The following ANKS1B variants were observed in gnomAD, a reference collection of about 807,000 sequenced individuals.
ANKS1B encodes the protein ankyrin repeat and sterile alpha motif domain containing 1B.
A neutral mutation model predicts 148.3 loss-of-function variants in ANKS1B; 36 were observed. The ratio of observed to expected loss-of-function variants is 0.24; its 90% confidence interval spans 0.19 to 0.32. The LOEUF is 0.32. Among genes scored for constraint, ANKS1B ranks in the 10% least tolerant of loss-of-function variants. The pLI is 1.00. For synonymous variants in ANKS1B, 542 were observed against 560.8 expected (o/e 0.97, Z 0.47); for missense variants, 1,157 against 1,542.6 (o/e 0.75, Z 4.19).
chr12:99,261,835 C>G lies in ANKS1B; in HGVS notation c.1757-14971G>C, dbSNP rs113823506. On this transcript the variant is annotated intron_variant, in intron 12 of 26. Transcript: ENST00000683438. ...CTCTGCTCAAAACTCTTCAATGGCA[C>G]CTTGATCCACTCTGAGTAAAAGCCA... is the stretch of plus-strand genomic sequence containing the variant. Among the ~76,000 whole-genome samples, 585 of 152,192 alleles carry G rather than the reference C, an allele frequency of 3.8e-3. 2 individuals carry two copies. The highest frequency in any genetic ancestry group is 0.013 in the African/African-American group (551 of 41,522).
At chr12:98,856,689 T>C (rs1595615307) in intron 17 of ANKS1B, among the ~76,000 whole-genome samples, 1 of 152,070 alleles carries the variant, frequency 6.6e-6, no homozygotes, top group Non-Finnish European at 1.5e-5. Context: ...GATGAGGATA[T>C]GGGGGACAGC....
intron 8 of ANKS1B, among the ~76,000 whole-genome samples, chr12:99,656,385 C>G (rs1598968490): frequency 6.6e-6 from 1 of 152,054 alleles, no homozygotes; most frequent in Non-Finnish European, 1.5e-5. Context: ...CAACAAGTTC[C>G]ACTCACAAGA....
chr12:99,232,677 T>C (rs1383837755), intron 14 of ANKS1B, among the ~76,000 whole-genome samples: 2 of 152,174 alleles, frequency 1.3e-5, no homozygotes, highest in Non-Finnish European at 2.9e-5. Flanking sequence ...TTTCTTATGA[T>C]TGCAATGACA....
chr12:99,885,024 T>C (rs557287412), intron 1 of ANKS1B, among the ~76,000 whole-genome samples: 2 of 152,180 alleles, frequency 1.3e-5, no homozygotes, highest in South Asian at 2.1e-4. Context: ...GAGCTTTGGT[T>C]CCCCCAATTT....
At chr12:98,777,927 C>T (rs1323269517) in intron 24 of ANKS1B, among the ~76,000 whole-genome samples, 2 of 152,192 alleles carry the variant, frequency 1.3e-5, no homozygotes, top group Non-Finnish European at 2.9e-5. Context: ...GTTTGCACTT[C>T]AAACTAATTT....
chr12:99,531,741 ATGGT>A, intron 9 of ANKS1B, among the ~76,000 whole-genome samples: 1 of 152,216 alleles, frequency 6.6e-6, no homozygotes, highest in African/African-American at 2.4e-5. Context: ...TGTTCAATAG[ATGGT>A]AGATGTGCTT....
At chr12:99,387,286 T>C (rs2093901065) in intron 12 of ANKS1B, among the ~76,000 whole-genome samples, 1 of 152,206 alleles carries the variant, frequency 6.6e-6, no homozygotes, top group African/African-American at 2.4e-5. Flanking sequence ...GATTAGGTCA[T>C]GAGGACAGAG....
At chr12:98,929,144 C>T (rs976220075) in intron 17 of ANKS1B, among the ~76,000 whole-genome samples, 1 of 151,434 alleles carries the variant, frequency 6.6e-6, no homozygotes, top group Non-Finnish European at 1.5e-5. Flanking sequence ...TGACAATGAA[C>T]AATTTGGAAG....
At chr12:98,774,729 C>T (rs77479014) in intron 24 of ANKS1B, among the ~76,000 whole-genome samples, 4,257 of 152,244 alleles carry the variant, frequency 0.028, 110 homozygotes, top group East Asian at 0.13. Flanking sequence ...CCTGCCAGCA[C>T]CCCCAGCAAG....
At chr12:99,659,885 T>C (rs1453238120) in intron 8 of ANKS1B, among the ~76,000 whole-genome samples, 2 of 152,174 alleles carry the variant, frequency 1.3e-5, no homozygotes, top group Non-Finnish European at 2.9e-5. Flanking sequence ...CTATTGTCTT[T>C]CTACCACACC....
intron 10 of ANKS1B, among the ~76,000 whole-genome samples, chr12:99,457,802 T>C (rs954826750): frequency 6.6e-6 from 1 of 152,040 alleles, no homozygotes; most frequent in Non-Finnish European, 1.5e-5. Flanking sequence ...ACCTAAGAAA[T>C]GAGATGGACA....
intron 15 of ANKS1B, among the ~76,000 whole-genome samples, chr12:99,092,470 GAAAA>G (rs5800375): frequency 1.7e-5 from 2 of 116,690 alleles, no homozygotes; most frequent in East Asian, 2.6e-4. Flanking sequence ...CTGTGAAGCT[GAAAA>G]AAAAAAAAAA....
At chr12:99,482,419 T>G (rs1038364099) in intron 10 of ANKS1B, among the ~76,000 whole-genome samples, 2 of 152,126 alleles carry the variant, frequency 1.3e-5, no homozygotes, top group Non-Finnish European at 1.5e-5. Context: ...CATGCTGTTT[T>G]GGTAATTATA....
intron 9 of ANKS1B, among the ~76,000 whole-genome samples, chr12:99,535,871 A>T (rs10860459): frequency 2.4e-4 from 37 of 152,188 alleles, no homozygotes; most frequent in African/African-American, 7.2e-4. Context: ...GATTTATTCA[A>T]GAAAATCATC....
chr12:99,434,287 C>A (rs2095425328), intron 11 of ANKS1B, among the ~76,000 whole-genome samples: 1 of 152,134 alleles, frequency 6.6e-6, no homozygotes, highest in South Asian at 2.1e-4. Flanking sequence ...ATAATGCCAA[C>A]TCTACTTTCT....
intron 12 of ANKS1B, among the ~76,000 whole-genome samples, chr12:99,254,424 T>C (rs931972180): frequency 6.6e-6 from 1 of 152,218 alleles, no homozygotes; most frequent in African/African-American, 2.4e-5. Context: ...AGAGGCTACA[T>C]GATGTGTCTT....
intron 17 of ANKS1B, among the ~76,000 whole-genome samples, chr12:98,913,532 G>A (rs1057312718): frequency 2.0e-5 from 3 of 152,180 alleles, no homozygotes; most frequent in Admixed American, 1.3e-4. Context: ...CTGCCCACAT[G>A]TTGACACTTC....
intron 17 of ANKS1B, among the ~76,000 whole-genome samples, chr12:98,939,973 T>C (rs1273951635): frequency 6.6e-6 from 1 of 152,178 alleles, no homozygotes; most frequent in East Asian, 1.9e-4. Context: ...AGAGATGATT[T>C]TGAGAGTGAG....
At chr12:98,906,401 T>C (rs568318288) in intron 17 of ANKS1B, among the ~76,000 whole-genome samples, 213 of 152,286 alleles carry the variant, frequency 1.4e-3, no homozygotes, top group African/African-American at 4.1e-3. Flanking sequence ...TCTAGGTTAA[T>C]GGAGGGCGTG....
Sources: allele counts gnomAD v4.1 joint callset (sites outside exome capture counted in the v4.1 genomes callset), GRCh38; gene constraint gnomAD v4.1.1; transcripts MANE v1.5; gene names NCBI Gene and HGNC (gene_info 2026-07-23, HGNC 2026-07-21).